PARD3B: variants seen among roughly 807,000 people sequenced by gnomAD.
PARD3B encodes partitioning defective 3 homolog B.
In PARD3B, 103 loss-of-function variants were observed where a neutral mutation model predicts 130.2. That is an observed-to-expected ratio of 0.79 (90% CI 0.67 to 0.93). The LOEUF is 0.93. Among genes scored for constraint, PARD3B ranks in the 40% least tolerant of loss-of-function variants. The probability of loss-of-function intolerance (pLI) is 0.00; values close to 1 mark genes in which losing one functional copy is unlikely to be tolerated. For synonymous variants in PARD3B, 583 were observed against 553.2 expected (o/e 1.05, Z -0.76); for missense variants, 1,609 against 1,499.2 (o/e 1.07, Z -1.21).
intron 13 of PARD3B, among the ~76,000 whole-genome samples, chr2:205,181,812 T>C (rs2035803091): frequency 6.6e-6 from 1 of 152,224 alleles, no homozygotes; most frequent in South Asian, 2.1e-4. Flanking sequence ...TGTCAACATT[T>C]ACAGGCATAG....
intron 20 of PARD3B, among the ~76,000 whole-genome samples, chr2:205,488,212 C>T (rs2049522336): frequency 6.6e-6 from 1 of 152,050 alleles, no homozygotes; most frequent in African/African-American, 2.4e-5. Context: ...TGGTCCCCAA[C>T]CTTTTTGGCA....
intron 15 of PARD3B, among the ~76,000 whole-genome samples, chr2:205,232,878 G>A (rs918327364): frequency 6.6e-6 from 1 of 152,218 alleles, no homozygotes; most frequent in Non-Finnish European, 1.5e-5. Context: ...GAATTGAACA[G>A]TGAATTGTGG....
rs553439795 is a variant in PARD3B at position 205,441,170 on chromosome 2, A to G, written c.3044+498A>G. Among the ~76,000 whole-genome samples the G allele has an allele frequency of 1.5e-4, 23 of 152,322 alleles. No homozygotes were observed. In the South Asian group the frequency reaches 4.6e-3, roughly 30 times the overall value. ...GTACTCAAGGGAAAGGTGACCCTGT[A>G]TAGATATTCATGGATGATCAGAGGT... On this transcript the variant is annotated intron_variant, in intron 20 of 22. Coordinates refer to ENST00000406610, the MANE Select transcript of PARD3B (RefSeq NM_001302769.2).
chr2:205,045,539 C>T (rs1427685495), intron 3 of PARD3B, among the ~76,000 whole-genome samples: 3 of 151,918 alleles, frequency 2.0e-5, no homozygotes, highest in Non-Finnish European at 2.9e-5. Context: ...TGAGCCACTG[C>T]GTCTGGCATG....
rs965047316 is a variant in PARD3B at position 205,421,299 on chromosome 2, G to A, written c.2742-19071G>A. Among the ~76,000 whole-genome samples the A allele has an allele frequency of 2.0e-5, 3 of 152,184 alleles. No homozygotes were observed. Among genetic ancestry groups the A allele is most frequent in the African/African-American group, 4.8e-5 (2 of 41,526 alleles). On this transcript the variant is annotated intron_variant, in intron 19 of 22. Coordinates refer to ENST00000406610, the MANE Select transcript of PARD3B (RefSeq NM_001302769.2). This position sits in a 1 kb window ranked among gnomAD's most constrained non-coding sequence, Gnocchi z 5.1. ...TCTTGCACTACAGATGTCAGCTGCC[G>A]GGACCAGTTTGTGTGGTGCTGTGCC...
At chr2:204,812,204 T>G (rs187972925) in intron 2 of PARD3B, among the ~76,000 whole-genome samples, 2 of 152,290 alleles carry the variant, frequency 1.3e-5, no homozygotes, top group East Asian at 3.9e-4. Flanking sequence ...CATAAAGTTT[T>G]TTGTATGTTT....
intron 15 of PARD3B, among the ~76,000 whole-genome samples, chr2:205,205,352 C>T (rs549954418): frequency 3.0e-4 from 46 of 152,274 alleles, no homozygotes; most frequent in South Asian, 1.7e-3. Flanking sequence ...TGGGCTGAGA[C>T]GATGGGGTTT....
At chr2:205,050,957 C>A (rs566367850) in intron 4 of PARD3B, among the ~76,000 whole-genome samples, 2 of 152,230 alleles carry the variant, frequency 1.3e-5, no homozygotes, top group Admixed American at 1.3e-4. Flanking sequence ...AATGTCTTCA[C>A]AAACTGTCAG....
intron 18 of PARD3B, among the ~76,000 whole-genome samples, chr2:205,311,501 C>G (rs1161662282): frequency 4.6e-5 from 7 of 152,126 alleles, no homozygotes; most frequent in Non-Finnish European, 8.8e-5. Flanking sequence ...CTCTTGTCTT[C>G]CCCCTCTGGC....
At chr2:204,702,964 T>C (rs989267554) in intron 2 of PARD3B, among the ~76,000 whole-genome samples, 1 of 152,200 alleles carries the variant, frequency 6.6e-6, no homozygotes, top group African/African-American at 2.4e-5. Context: ...AATTATAAGA[T>C]TGTAATTGGA....
chr2:205,327,575 G>A (rs1452039792), intron 18 of PARD3B, among the ~76,000 whole-genome samples: 6 of 152,116 alleles, frequency 3.9e-5, no homozygotes, highest in Admixed American at 1.3e-4. Flanking sequence ...GATTCTAAAC[G>A]GACAGAACTG....
chr2:204,591,109 TA>T (rs1417171364), intron 1 of PARD3B, among the ~76,000 whole-genome samples: 2 of 152,254 alleles, frequency 1.3e-5, no homozygotes, highest in African/African-American at 4.8e-5. Context: ...TGTGTATTAA[TA>T]CCCAGCAAAC....
intron 2 of PARD3B, among the ~76,000 whole-genome samples, chr2:204,834,496 C>T (rs772333049): frequency 2.6e-5 from 4 of 152,104 alleles, no homozygotes; most frequent in Non-Finnish European, 5.9e-5. Context: ...AGCAAAATAT[C>T]TTTAGGTGAA....
intron 18 of PARD3B, among the ~76,000 whole-genome samples, chr2:205,314,150 T>TG (rs1221778149): frequency 1.3e-5 from 2 of 152,278 alleles, no homozygotes; most frequent in Non-Finnish European, 1.5e-5. Flanking sequence ...ATAATTTGCT[T>TG]GGGGGGCAAA....
At chr2:204,696,444 TCTC>T (rs1040890542) in intron 2 of PARD3B, among the ~76,000 whole-genome samples, 4 of 152,056 alleles carry the variant, frequency 2.6e-5, no homozygotes, top group Admixed American at 6.6e-5. Context: ...CTATGCTGGT[TCTC>T]CTATTTCCAG....
intron 18 of PARD3B, among the ~76,000 whole-genome samples, chr2:205,336,301 G>A (rs780496065): frequency 4.6e-5 from 7 of 152,204 alleles, no homozygotes; most frequent in Non-Finnish European, 1.0e-4. Context: ...CAAGTCAAAG[G>A]ATAGTTATTT....
intron 2 of PARD3B, among the ~76,000 whole-genome samples, chr2:204,812,556 C>T (rs977939851): frequency 3.9e-5 from 6 of 152,144 alleles, no homozygotes; most frequent in South Asian, 2.1e-4. Flanking sequence ...TCCCTTGGAG[C>T]GGGCTGTCTG....
chr2:204,883,193 A>C (rs1313848579), intron 2 of PARD3B, among the ~76,000 whole-genome samples: 1 of 151,558 alleles, frequency 6.6e-6, no homozygotes, highest in African/African-American at 2.4e-5. Context: ...ATCATCATCG[A>C]CACCATCCTT....
chr2:204,963,099 G>A (rs1030643196), intron 2 of PARD3B, among the ~76,000 whole-genome samples: 6 of 152,034 alleles, frequency 3.9e-5, no homozygotes, highest in African/African-American at 1.4e-4. Flanking sequence ...CTACAGTATA[G>A]GAAAATACTT....
Sources: allele counts gnomAD v4.1 joint callset (sites outside exome capture counted in the v4.1 genomes callset), GRCh38; gene constraint gnomAD v4.1.1; non-coding constraint Gnocchi (gnomAD v3.1); transcripts MANE v1.5; gene names NCBI Gene and HGNC (gene_info 2026-07-23, HGNC 2026-07-21).